Variants in PRUNE2 observed in about 807,000 individuals in gnomAD.
The protein encoded by PRUNE2 is prune homolog 2 with BCH domain, also known as protein prune homolog 2.
In PRUNE2, 164 loss-of-function variants were observed where a neutral mutation model predicts 252.0. The observed-to-expected ratio is 0.65, with a 90% confidence interval of 0.57 to 0.74. PRUNE2 has a LOEUF of 0.74. Ranked by LOEUF, PRUNE2 falls within the 30% of genes least tolerant of loss-of-function variation. The probability of loss-of-function intolerance (pLI) is 0.00; values close to 1 mark genes in which losing one functional copy is unlikely to be tolerated. For missense variants in PRUNE2, 3,495 were observed against 3,711.0 expected, an observed-to-expected ratio of 0.94 and a Z score of 1.51; for synonymous variants, 1,292 against 1,350.2, an observed-to-expected ratio of 0.96 and a Z score of 0.94.
At chr9:76,832,501 A>C (rs959246128) in intron 4 of PRUNE2, among the ~76,000 whole-genome samples, 8 of 152,162 alleles carry the variant, frequency 5.3e-5, no homozygotes. Context: ...AAGAAATCAC[A>C]ATGTAAATCA....
At chr9:76,646,893 T>C (rs548969031) in intron 11 of PRUNE2, among the ~76,000 whole-genome samples, 81 of 152,298 alleles carry the variant, frequency 5.3e-4, no homozygotes, top group African/African-American at 1.4e-3. Context: ...AATTCCCTTA[T>C]GTAAAAAATT....
intron 6 of PRUNE2, among the ~76,000 whole-genome samples, chr9:76,740,797 A>T (rs1039135201): frequency 6.6e-6 from 1 of 152,224 alleles, no homozygotes; most frequent in Non-Finnish European, 1.5e-5. Flanking sequence ...GTTATCAGGC[A>T]TCTGTTGGCT....
At chr9:76,742,256 T>C (rs1486437490) in intron 6 of PRUNE2, among the ~76,000 whole-genome samples, 2 of 152,200 alleles carry the variant, frequency 1.3e-5, no homozygotes, top group Admixed American at 6.5e-5. Context: ...AGGAAAATTA[T>C]CTGCAGTACT....
In PRUNE2 at chr9:76,704,828, G is replaced by A. The variant is rs200454303; in HGVS notation, c.7446C>T (p.Asn2482=). ...GAGSNILSPS[N]VDWEVETDNS... is the part of the protein sequence containing the mutation. ...TATCTGTTTCTACTTCCCAGTCAAC[G>A]TTTGATGGAGACAAAATGTTGGAGC... The change falls in exon 8 of 19, where the codon AAC becomes AAT. Residue 2482 remains asparagine, a synonymous_variant. Transcript: ENST00000376718. 18 of 1,591,974 alleles carry A rather than the reference G, an allele frequency of 1.1e-5. No homozygotes were observed. Among genetic ancestry groups the A allele is most frequent in the South Asian group, 2.3e-5 (2 of 87,904 alleles).
At chr9:76,896,601 C>T (rs968198195) in intron 1 of PRUNE2, among the ~76,000 whole-genome samples, 34 of 152,140 alleles carry the variant, frequency 2.2e-4, no homozygotes, top group Non-Finnish European at 4.0e-4. Flanking sequence ...CTGCCTCCAC[C>T]TTCCTTCTTT....
At chr9:76,668,606 A>T (rs1201644511) in intron 9 of PRUNE2, among the ~76,000 whole-genome samples, 5 of 151,862 alleles carry the variant, frequency 3.3e-5, no homozygotes, top group African/African-American at 1.2e-4. Flanking sequence ...GGCCTGGATC[A>T]TTCTCTCACT....
chr9:76,639,909 G>A (rs113173089), intron 12 of PRUNE2, among the ~76,000 whole-genome samples: 1,701 of 152,248 alleles, frequency 0.011, 24 homozygotes, highest in African/African-American at 0.037. Context: ...TTTTGGAATT[G>A]CCCTGTCTTT....
rs778364503 is a variant in PRUNE2 at position 76,708,736 on chromosome 9, G to C, written c.3538C>G (p.Gln1180Glu). Residue 1180 changes from glutamine to glutamate, a missense_variant, in exon 8 of 19, where the codon CAG becomes GAG. Transcript: ENST00000376718. ...TCCCAATCTACCTGATTTGCTTCCT[G>C]ATACTCCAAGCCCCAGGGTTCCAGC... is the stretch of plus-strand genomic sequence containing the variant. ...RQLEPWGLEYQEANQVDWELP... is the reference protein window; with the variant it reads ...RQLEPWGLEYEEANQVDWELP... 5.0e-6 allele frequency: 8 copies of C among 1,613,938 alleles called. No individual in the cohort carries two copies. Among genetic ancestry groups the C allele is most frequent in the Admixed American group, 1.7e-5 (1 of 60,022 alleles).
intron 6 of PRUNE2, among the ~76,000 whole-genome samples, chr9:76,776,220 T>C (rs1025019895): frequency 6.6e-6 from 1 of 152,240 alleles, no homozygotes; most frequent in Admixed American, 6.5e-5. Context: ...TCTGAGCTTT[T>C]AGTGTAGCCA....
intron 6 of PRUNE2, among the ~76,000 whole-genome samples, chr9:76,816,006 CAAAA>C (rs1026547474): frequency 6.6e-6 from 1 of 151,766 alleles, no homozygotes; most frequent in South Asian, 2.1e-4. Flanking sequence ...ACTAAAAATA[CAAAA>C]AATTAGCTGG....
chr9:76,779,232 CTT>C (rs5898506), intron 6 of PRUNE2, among the ~76,000 whole-genome samples: 10 of 144,882 alleles, frequency 6.9e-5, no homozygotes, highest in African/African-American at 1.5e-4. Context: ...AAAACTTAGA[CTT>C]TTTTTTTTTT....
At chr9:76,766,044 G>C (rs138258063) in intron 6 of PRUNE2, among the ~76,000 whole-genome samples, 1 of 151,892 alleles carries the variant, frequency 6.6e-6, no homozygotes, top group East Asian at 1.9e-4. Flanking sequence ...ATAGCCGCGC[G>C]TGGTGGCAGG....
chr9:76,707,201 A>G lies in PRUNE2; in HGVS notation c.5073T>C (p.Ser1691=), dbSNP rs1200617806. The G allele has an allele frequency of 8.7e-6, 14 of 1,614,000 alleles. No homozygotes were observed. The highest frequency in any genetic ancestry group is 1.1e-5 in the Non-Finnish European group (13 of 1,179,890). ...CCTCTATTGACTCTTCACCACCGAC[A>G]CTGTCATCATCAGAACCTGAGCTTG... ...ISTSSGSDDD[S]VGGEESIEEE... Residue 1691 remains serine (S), a synonymous_variant, in exon 8 of 19, where the codon AGT becomes AGC. Coordinates refer to ENST00000376718, the MANE Select transcript of PRUNE2 (RefSeq NM_015225.3).
chr9:76,668,802 G>A (rs1019350588), intron 9 of PRUNE2, among the ~76,000 whole-genome samples: 2 of 151,524 alleles, frequency 1.3e-5, no homozygotes, highest in Non-Finnish European at 2.9e-5. Flanking sequence ...ACCTTGGGAG[G>A]CATCGTCGTT....
intron 9 of PRUNE2, among the ~76,000 whole-genome samples, chr9:76,670,533 A>T (rs898298259): frequency 3.3e-5 from 5 of 151,960 alleles, no homozygotes; most frequent in Non-Finnish European, 5.9e-5. Context: ...GGAAGCTCGA[A>T]CTGGGTGGAG....
intron 3 of PRUNE2, 116 bp downstream of exon 3, chr9:76,850,347 T>A (rs947499975): frequency 1.3e-6 from 1 of 787,640 alleles, no homozygotes; most frequent in Non-Finnish European, 2.1e-6. Flanking sequence ...ATGACCAGCA[T>A]GTCCTCTGCT....
At chr9:76,629,673 C>G (rs995263241) in intron 15 of PRUNE2, among the ~76,000 whole-genome samples, 1 of 151,366 alleles carries the variant, frequency 6.6e-6, no homozygotes, top group African/African-American at 2.4e-5. Flanking sequence ...GTTATTAGCT[C>G]TGGTCACCAT....
intron 4 of PRUNE2, among the ~76,000 whole-genome samples, chr9:76,837,870 C>T (rs999071639): frequency 4.0e-5 from 6 of 150,216 alleles, no homozygotes; most frequent in Non-Finnish European, 7.4e-5. Flanking sequence ...CTCCTGGGTT[C>T]ACGCCATTCT....
chr9:76,652,890 T>C (rs1256432848), intron 10 of PRUNE2, among the ~76,000 whole-genome samples: 1 of 152,080 alleles, frequency 6.6e-6, no homozygotes, highest in African/African-American at 2.4e-5. Flanking sequence ...TATTCCAAAA[T>C]CTGAAAAAAT....
Sources: gnomAD v4.1 joint callset for allele counts (sites outside exome capture counted in the v4.1 genomes callset) on GRCh38, gnomAD v4.1.1 for gene constraint, MANE v1.5 for transcripts, NCBI Gene and HGNC (gene_info 2026-07-23, HGNC 2026-07-21) for gene names.